TCF20: variants seen among roughly 807,000 people sequenced by gnomAD.
The protein encoded by TCF20 is transcription factor 20, also known as SPRE-binding protein.
In TCF20, 3 loss-of-function variants were observed where a neutral mutation model predicts 148.6. The ratio of observed to expected loss-of-function variants is 0.02; its 90% confidence interval spans 0.01 to 0.05. The LOEUF (loss-of-function observed/expected upper bound fraction) is 0.05. TCF20 is among the 10% of genes least tolerant of loss of function. TCF20 has a pLI of 1.00. For missense variants in TCF20, 2,350 were observed against 2,429.3 expected (o/e 0.97, Z 0.69); for synonymous variants, 1,049 against 909.5 (o/e 1.15, Z -2.76).
intron 1 of TCF20, among the ~76,000 whole-genome samples, chr22:42,223,952 T>C (rs1297794259): frequency 2.0e-5 from 3 of 152,224 alleles, no homozygotes; most frequent in Non-Finnish European, 1.5e-5. Flanking sequence ...ATGAAGGTGC[T>C]GGCTTCCTCC....
chr22:42,163,041 G>A (rs1935561502), intron 5 of TCF20, among the ~76,000 whole-genome samples: 1 of 152,220 alleles, frequency 6.6e-6, no homozygotes, highest in Non-Finnish European at 1.5e-5. Flanking sequence ...GCTGCAGGAT[G>A]CCCGTGTGAA....
At chr22:42,286,303 T>G (rs926479168), upstream of TCF20, among the ~76,000 whole-genome samples, 1 of 152,162 alleles carries the variant, frequency 6.6e-6, no homozygotes, top group Non-Finnish European at 1.5e-5. Flanking sequence ...CTGAGGAACC[T>G]AGGCAGGGTT....
In TCF20 at chr22:42,292,570, G is replaced by A. The variant is rs1469135122; in HGVS notation, c.-37+50909C>T. On this transcript the variant is annotated intron_variant, in intron 1 of 1. Transcript: ENST00000515426. This position sits in a 1 kb window ranked among gnomAD's most constrained non-coding sequence, Gnocchi z 4.9. ...GTCAACTGTAACCAAGGTAGGTTGTGAGATGCCAGAAGAGTGGGCAGCACG... is the reference window on the plus strand; with the variant it reads ...GTCAACTGTAACCAAGGTAGGTTGTAAGATGCCAGAAGAGTGGGCAGCACG... 6.6e-6 allele frequency among the ~76,000 whole-genome samples: 1 copy of A among 152,178 alleles called. No individual in the cohort carries two copies. The highest frequency in any genetic ancestry group is 2.4e-5 in the African/African-American group (1 of 41,440).
At chr22:42,169,771 C>T (rs548021529) in intron 4 of TCF20, 76 bp downstream of exon 4, 1 of 1,521,228 alleles carries the variant, frequency 6.6e-7, no homozygotes, top group South Asian at 1.1e-5. Context: ...CCCACCAACA[C>T]CTGGTCTTCA....
intron 1 of TCF20, among the ~76,000 whole-genome samples, chr22:42,322,957 A>T (rs1927763185): frequency 6.7e-6 from 1 of 150,206 alleles, no homozygotes; most frequent in Admixed American, 6.6e-5. Context: ...CCCAGGCTGG[A>T]GTGCAATGGT....
Position 42,299,208 on chromosome 22 carries a change from A to G in TCF20, c.-37+44271T>C, listed in dbSNP as rs1027165547. On this transcript the variant is annotated intron_variant, in intron 1 of 1. Coordinates refer to the TCF20 transcript ENST00000515426. The surrounding 1 kb of genome is among the most constrained non-coding windows in gnomAD (Gnocchi z 4.1). ...GGATGGGGGCAAGGGGGCGGTAGGC[A>G]GACAGCAAGAGCAACCAGTGAGCCC... 2.6e-5 allele frequency among the ~76,000 whole-genome samples: 4 copies of G among 152,170 alleles called. No homozygotes were observed. The highest frequency in any genetic ancestry group is 9.7e-5 in the African/African-American group (4 of 41,430).
chr22:42,171,750 T>C (rs1206354095), intron 3 of TCF20, among the ~76,000 whole-genome samples: 1 of 152,222 alleles, frequency 6.6e-6, no homozygotes, highest in Admixed American at 6.5e-5. Flanking sequence ...TCTTCTTACC[T>C]GGGCTCTGGC....
intron 2 of TCF20, among the ~76,000 whole-genome samples, chr22:42,205,720 G>A (rs9968031): frequency 0.041 from 6,164 of 152,110 alleles, 418 homozygotes; most frequent in African/African-American, 0.14. Context: ...AGCTAGAAAC[G>A]GATCTTATAG....
intron 1 of TCF20, among the ~76,000 whole-genome samples, chr22:42,234,965 CCCA>C (rs1392344246): frequency 6.6e-6 from 1 of 151,826 alleles, no homozygotes. Context: ...ATGGTGAAAC[CCCA>C]CCTCTACTAA....
chr22:42,302,456 C>T (rs980468979), intron 1 of TCF20, among the ~76,000 whole-genome samples: 3 of 152,184 alleles, frequency 2.0e-5, no homozygotes, highest in African/African-American at 7.2e-5. Flanking sequence ...TCCCACCCCA[C>T]CCACTGGCCT....
At chr22:42,342,026 C>T (rs940033072) in intron 1 of TCF20, among the ~76,000 whole-genome samples, 20 of 152,026 alleles carry the variant, frequency 1.3e-4, no homozygotes, top group Admixed American at 1.2e-3. Context: ...AGACCCAGTG[C>T]TTAGGGGGTC....
In TCF20 at chr22:42,292,598, G is replaced by A. The variant is rs1282005546; in HGVS notation, c.-37+50881C>T. Among the ~76,000 whole-genome samples the A allele has an allele frequency of 6.6e-6, 1 of 152,132 alleles. No individual in the cohort carries two copies. Among genetic ancestry groups the A allele is most frequent in the African/African-American group, 2.4e-5 (1 of 41,416 alleles). On this transcript the variant is annotated intron_variant, in intron 1 of 1. Coordinates refer to the TCF20 transcript ENST00000515426. The surrounding 1 kb of genome is among the most constrained non-coding windows in gnomAD (Gnocchi z 4.9). ...ATGCCAGAAGAGTGGGCAGCACGGT[G>A]GCCTGGATAAATCCCAGAAGGCATC...
intron 1 of TCF20, among the ~76,000 whole-genome samples, chr22:42,320,457 T>C (rs569804270): frequency 2.4e-4 from 36 of 152,300 alleles, no homozygotes; most frequent in African/African-American, 8.4e-4. Context: ...TCTGACTCAA[T>C]GTGCCCTTCC....
intron 1 of TCF20, among the ~76,000 whole-genome samples, chr22:42,229,188 C>T (rs1040453907): frequency 6.6e-6 from 1 of 152,116 alleles, no homozygotes; most frequent in Non-Finnish European, 1.5e-5. Context: ...ACATGTTGGA[C>T]ATCCAACGTG....
intron 1 of TCF20, among the ~76,000 whole-genome samples, chr22:42,238,479 T>C (rs1017444190): frequency 2.0e-5 from 3 of 152,254 alleles, no homozygotes; most frequent in Non-Finnish European, 4.4e-5. Flanking sequence ...AAGAACCTTT[T>C]CTTGCATTCA....
At chr22:42,255,527 C>CAAA (rs370361760) in intron 1 of TCF20, among the ~76,000 whole-genome samples, 1 of 139,056 alleles carries the variant, frequency 7.2e-6, no homozygotes, top group Middle Eastern at 3.5e-3. Context: ...ACAACAACAA[C>CAAA]AAAACCACAT....
chr22:42,312,967 G>T (rs1224102707), intron 1 of TCF20, among the ~76,000 whole-genome samples: 1 of 152,148 alleles, frequency 6.6e-6, no homozygotes, highest in East Asian at 1.9e-4. Context: ...ACTGGGGGTG[G>T]CTCACTGTTT....
chr22:42,232,410 A>C (rs1923500238), intron 1 of TCF20, among the ~76,000 whole-genome samples: 1 of 152,192 alleles, frequency 6.6e-6, no homozygotes, highest in Non-Finnish European at 1.5e-5. Flanking sequence ...AACAAAAAAA[A>C]AACAACGTAC....
intron 1 of TCF20, among the ~76,000 whole-genome samples, chr22:42,235,889 C>T (rs1337880671): frequency 1.3e-5 from 2 of 152,080 alleles, no homozygotes; most frequent in Non-Finnish European, 2.9e-5. Context: ...AAAACTTGAA[C>T]CAATAATAAA....
Sources: gnomAD v4.1 joint callset for allele counts (sites outside exome capture counted in the v4.1 genomes callset) on GRCh38, gnomAD v4.1.1 for gene constraint, Gnocchi (gnomAD v3.1) non-coding constraint, MANE v1.5 for transcripts, NCBI Gene and HGNC (gene_info 2026-07-23, HGNC 2026-07-21) for gene names.